The following PAK1 variants were observed in gnomAD, a reference collection of about 807,000 sequenced individuals.
PAK1 encodes the protein p21 (RAC1) activated kinase 1, also known as serine/threonine-protein kinase PAK 1.
A neutral mutation model predicts 67.4 loss-of-function variants in PAK1; 29 were observed. The observed-to-expected ratio is 0.43, with a 90% CI of 0.32 to 0.59. The LOEUF (loss-of-function observed/expected upper bound fraction) is 0.59, where lower values mean the gene tolerates loss of function less well. Among genes scored for constraint, PAK1 ranks in the 20% least tolerant of loss-of-function variants. The pLI is 0.07. For missense variants in PAK1, 337 were observed against 670.7 expected (o/e 0.50, Z 5.50); for synonymous variants, 223 against 237.4 (o/e 0.94, Z 0.56).
intron 1 of PAK1, among the ~76,000 whole-genome samples, chr11:77,419,563 T>C (rs1452438629): frequency 1.3e-5 from 2 of 152,230 alleles, no homozygotes; most frequent in Non-Finnish European, 2.9e-5. Context: ...GTTTGGAGAC[T>C]ACAGCTTTCA....
At chr11:77,425,686 G>A (rs1342760352) in intron 1 of PAK1, among the ~76,000 whole-genome samples, 4 of 152,166 alleles carry the variant, frequency 2.6e-5, no homozygotes, top group Admixed American at 6.5e-5. Context: ...GCCTAGCACC[G>A]TGTAAGGCAT....
the PAK1 span, among the ~76,000 whole-genome samples, chr11:77,510,664 A>G: frequency 6.6e-6 from 1 of 152,204 alleles, no homozygotes; most frequent in Non-Finnish European, 1.5e-5. Flanking sequence ...TGCAATTGAT[A>G]ATTTGGAAGT....
At chr11:77,366,276 G>A (rs1006114767) in intron 5 of PAK1, among the ~76,000 whole-genome samples, 10 of 152,202 alleles carry the variant, frequency 6.6e-5, no homozygotes, top group African/African-American at 2.2e-4. Flanking sequence ...ATAATGGAGA[G>A]CAGAGGAAAC....
chr11:77,323,371 GA>G lies in PAK1; in HGVS notation c.1552-12del. 2.0e-6 allele frequency: 3 copies of G among 1,527,106 alleles called. No homozygotes were observed. Among genetic ancestry groups the G allele is most frequent in the Non-Finnish European group, 9.1e-7 (1 of 1,100,726 alleles). The allele number at this position is 1,527,106 out of a possible 1,614,324, so 94.6% of individuals were successfully genotyped here. On this transcript the variant is annotated splice_polypyrimidine_tract_variant and intron_variant, in intron 14 of 14. Transcript: ENST00000356341. ...CTTCAGGAATTGATGCTAGAAAGGAGAAAAATAGCAAAAGACACATGACTAT... is the reference window on the plus strand; with the variant it reads ...CTTCAGGAATTGATGCTAGAAAGGAGAAAATAGCAAAAGACACATGACTAT...
chr11:77,343,853 T>G lies in PAK1; in HGVS notation c.964A>C (p.Asn322His). 1.2e-6 allele frequency: 2 copies of G among 1,612,966 alleles called. No homozygotes were observed. Among genetic ancestry groups the G allele is most frequent in the Admixed American group, 3.3e-5 (2 of 60,018 alleles). The change falls in exon 10 of 15, where the codon AAC (asparagine) becomes CAC (histidine). Residue 322 changes from asparagine (N) to histidine (H), a missense_variant. Asn to His is a moderately conservative substitution (Grantham distance 68, BLOSUM62 1). Coordinates refer to ENST00000356341, the MANE Select transcript of PAK1 (RefSeq NM_002576.5). ...IINEILVMRE[N>H]KNPNIVNYLD... ...TAATTCACAATGTTTGGGTTCTTGT[T>G]TTCCCTCATGACCAGGATCTCATTA... is the stretch of plus-strand genomic sequence containing the variant.
At chr11:77,341,476 C>T (rs112472537) in intron 10 of PAK1, among the ~76,000 whole-genome samples, 5 of 152,182 alleles carry the variant, frequency 3.3e-5, no homozygotes, top group African/African-American at 1.2e-4. Flanking sequence ...TCTGATAAGC[C>T]AAGACTACCA....
chr11:77,407,044 A>T (rs1223470492), intron 1 of PAK1, among the ~76,000 whole-genome samples: 2 of 152,076 alleles, frequency 1.3e-5, no homozygotes, highest in African/African-American at 4.8e-5. Context: ...AATTATTATT[A>T]TTTTTTTATA....
At chr11:77,379,799 G>A in intron 3 of PAK1, 95 bp downstream of exon 3, 1 of 859,954 alleles carries the variant, frequency 1.2e-6, no homozygotes, top group Admixed American at 2.5e-5. Flanking sequence ...CTCAGGCAAA[G>A]ATAGAAGCAT....
intron 1 of PAK1, among the ~76,000 whole-genome samples, chr11:77,395,960 G>T (rs1951775344): frequency 6.6e-6 from 1 of 152,094 alleles, no homozygotes; most frequent in Admixed American, 6.5e-5. Context: ...ACTCCAGGCT[G>T]CCAGTTCCAA....
the PAK1 span, among the ~76,000 whole-genome samples, chr11:77,528,282 T>G: frequency 6.6e-6 from 1 of 152,110 alleles, no homozygotes; most frequent in Admixed American, 6.5e-5. Context: ...TAATATTATC[T>G]AATATCCAAT....
At chr11:77,367,578 A>G (rs1296605213) in intron 5 of PAK1, among the ~76,000 whole-genome samples, 1 of 152,226 alleles carries the variant, frequency 6.6e-6, no homozygotes, top group African/African-American at 2.4e-5. Flanking sequence ...GAAAAATTAA[A>G]TTGACTGAAA....
chr11:77,330,239 C>G (rs548901803), intron 14 of PAK1, among the ~76,000 whole-genome samples: 1 of 152,252 alleles, frequency 6.6e-6, no homozygotes, highest in Admixed American at 6.5e-5. Context: ...AATGCCATCC[C>G]CATCAAGCTA....
intron 14 of PAK1, among the ~76,000 whole-genome samples, chr11:77,323,993 C>T (rs10501424): frequency 0.019 from 2,828 of 152,142 alleles, 88 homozygotes; most frequent in African/African-American, 0.063. Flanking sequence ...ATTGTTCTAT[C>T]CTCAAATCCA....
chr11:77,455,912 G>A (rs1000755260), intron 1 of PAK1: 3 of 152,178 alleles, frequency 2.0e-5, no homozygotes, highest in African/African-American at 4.8e-5. Flanking sequence ...AGGAGACTGA[G>A]CTCTGAAGAA....
chr11:77,392,501 T>C lies in PAK1; in HGVS notation c.20A>G (p.Asp7Gly), dbSNP rs1226576738. 1.9e-6 allele frequency: 3 copies of C among 1,605,174 alleles called. No homozygotes were observed. Among genetic ancestry groups the C allele is most frequent in the South Asian group, 1.1e-5 (1 of 90,008 alleles). Residue 7 changes from aspartate to glycine, a missense_variant, in exon 2 of 15, where the codon GAC (aspartate) becomes GGC (glycine). Physicochemically the swap from Asp to Gly is moderately conservative, Grantham distance 94. Coordinates refer to ENST00000356341, the MANE Select transcript of PAK1 (RefSeq NM_002576.5). ...AGGGGCTGGGGGTTTGTCTTGAATGTCTAGGCCGTTATTTGACATTGTCAC... is the reference window on the plus strand; with the variant it reads ...AGGGGCTGGGGGTTTGTCTTGAATGCCTAGGCCGTTATTTGACATTGTCAC... MSNNGL[D>G]IQDKPPAPPM...
rs531614403 is a variant in PAK1 at position 77,446,848 on chromosome 11, T to C, written c.-22+26704A>G. On this transcript the variant is annotated intron_variant, in intron 1 of 14. Transcript: ENST00000356341. ...TGAGGGGACATCAGACGGTAAGAGA[T>C]TTCAAAAACTGTTTAGAATAATAGT... Among the ~76,000 whole-genome samples the C allele has an allele frequency of 8.1e-4, 123 of 151,626 alleles. 2 individuals carry two copies. The highest frequency in any genetic ancestry group is 6.2e-3 in the South Asian group (30 of 4,812).
At chr11:77,430,846 C>T (rs901271106) in intron 1 of PAK1, among the ~76,000 whole-genome samples, 9 of 152,072 alleles carry the variant, frequency 5.9e-5, no homozygotes, top group African/African-American at 1.9e-4. Context: ...TTCAGGGGTC[C>T]CCAACTCCGA....
chr11:77,456,387 C>T (rs1056741839), intron 1 of PAK1, among the ~76,000 whole-genome samples: 7 of 152,042 alleles, frequency 4.6e-5, no homozygotes, highest in Admixed American at 2.6e-4. Context: ...AGATGTTATT[C>T]AGAGAAAATG....
intron 5 of PAK1, among the ~76,000 whole-genome samples, chr11:77,360,645 C>A (rs924325291): frequency 6.6e-6 from 1 of 152,118 alleles, no homozygotes; most frequent in African/African-American, 2.4e-5. Context: ...GATTTCAACA[C>A]CTTCCTCAGT....
Sources: gnomAD v4.1 joint callset for allele counts (sites outside exome capture counted in the v4.1 genomes callset) on GRCh38, gnomAD v4.1.1 for gene constraint, MANE v1.5 for transcripts, NCBI Gene and HGNC (gene_info 2026-07-23, HGNC 2026-07-21) for gene names.